Variants in UNC5B observed in about 807,000 individuals in gnomAD.
UNC5B encodes netrin receptor UNC5B.
UNC5B carries 56 observed loss-of-function variants against 103.7 expected under a neutral mutation model. That is an observed-to-expected ratio of 0.54 (90% confidence interval 0.44 to 0.67). UNC5B has a LOEUF of 0.67. Among genes scored for constraint, UNC5B ranks in the 30% least tolerant of loss-of-function variants. The probability of loss-of-function intolerance (pLI) is 0.00; values close to 1 mark genes in which losing one functional copy is unlikely to be tolerated. For synonymous variants in UNC5B, 577 were observed against 542.0 expected (o/e 1.06, Z -0.90); for missense variants, 1,194 against 1,284.5 (o/e 0.93, Z 1.08).
At chr10:71,297,256 T>TTGGCATA (rs1845465584) in intron 15 of UNC5B, among the ~76,000 whole-genome samples, 12 of 152,216 alleles carry the variant, frequency 7.9e-5, no homozygotes, top group Admixed American at 7.2e-4. Context: ...ACCAAAAAAC[T>TTGGCATA]TACATGATCT....
At chr10:71,274,594 T>TTCATAAAGAGGTCTCATGTAGAGACC in intron 1 of UNC5B, among the ~76,000 whole-genome samples, 1 of 152,022 alleles carries the variant, frequency 6.6e-6, no homozygotes, top group African/African-American at 2.4e-5. Flanking sequence ...CTATAGAGAC[T>TTCATAAAGAGGTCTCATGTAGAGACC]TCATAAAGAG....
chr10:71,219,450 AG>A (rs1321087812), intron 1 of UNC5B, among the ~76,000 whole-genome samples: 1 of 152,178 alleles, frequency 6.6e-6, no homozygotes, highest in African/African-American at 2.4e-5. Flanking sequence ...AGAAAGATGT[AG>A]GCTGGGAGGC....
Position 71,213,125 on chromosome 10 carries a change from T to C in UNC5B, c.79+61T>C, listed in dbSNP as rs111287864. ...GGGACCCTTGCGCCTCACTCTGTCC[T>C]GAAGTTGAGGTGGTCTTTCGTCGCA... On this transcript the variant is annotated intron_variant, in intron 1 of 16. Transcript: ENST00000335350. This position sits in a 1 kb window ranked among gnomAD's most constrained non-coding sequence, Gnocchi z 4.1. 2.5e-6 allele frequency: 3 copies of C among 1,200,924 alleles called. No individual in the cohort carries two copies. The highest frequency in any genetic ancestry group is 2.1e-6 in the Non-Finnish European group (2 of 951,206). 74.4% of individuals were successfully genotyped at this position (1,200,924 alleles called of 1,614,324 possible). A position where few individuals can be genotyped will look rare whatever the true frequency, so the allele number is the denominator to read the frequency against.
chr10:71,291,014 G>A lies in UNC5B; in HGVS notation c.1199G>A (p.Arg400His), dbSNP rs755645184. 34 of 1,613,940 alleles carry A rather than the reference G, an allele frequency of 2.1e-5. No individual in the cohort carries two copies. The highest frequency in any genetic ancestry group is 6.7e-5 in the Admixed American group (4 of 60,000). The change falls in exon 9 of 17, where the codon CGC (arginine) becomes CAC (histidine). Residue 400 changes from arginine (R) to histidine (H), a missense_variant. Transcript: ENST00000335350. The part of the protein sequence containing the change: ...ILMAVGVVVY[R>H]RNCRDFDTDI... The stretch of plus-strand genomic sequence containing the variant: ...ATGGCGGTGGGGGTGGTGGTGTACC[G>A]CCGCAACTGCCGTGACTTCGACACA...
intron 1 of UNC5B, among the ~76,000 whole-genome samples, chr10:71,229,110 C>G (rs147697273): frequency 6.6e-6 from 1 of 152,312 alleles, no homozygotes; most frequent in Non-Finnish European, 1.5e-5. Context: ...AATGCAGACT[C>G]CTCCACCAAC....
At chr10:71,269,350 C>CCCA (rs1554865170) in intron 1 of UNC5B, among the ~76,000 whole-genome samples, 3 of 145,140 alleles carry the variant, frequency 2.1e-5, no homozygotes, top group Non-Finnish European at 4.6e-5. Flanking sequence ...AAGTCCCCCC[C>CCCA]CCACAACTTC....
At chr10:71,219,700 G>A (rs1843413483) in intron 1 of UNC5B, among the ~76,000 whole-genome samples, 1 of 152,244 alleles carries the variant, frequency 6.6e-6, no homozygotes, top group South Asian at 2.1e-4. Flanking sequence ...CTCCTAAGCA[G>A]CCCTGGCCAC....
intron 1 of UNC5B, among the ~76,000 whole-genome samples, chr10:71,229,009 C>T (rs1295171684): frequency 6.6e-6 from 1 of 152,208 alleles, no homozygotes; most frequent in African/African-American, 2.4e-5. Flanking sequence ...CCCTGCGCAC[C>T]TCCCTCAATG....
chr10:71,263,781 T>C (rs1005414207), intron 1 of UNC5B, among the ~76,000 whole-genome samples: 5 of 152,010 alleles, frequency 3.3e-5, no homozygotes, highest in Non-Finnish European at 5.9e-5. Flanking sequence ...CCATCCCCTC[T>C]CCCAGGGGCT....
Position 71,295,821 on chromosome 10 carries a change from A to T in UNC5B, c.2186A>T (p.Glu729Val). 6.2e-7 allele frequency: 1 copy of T among 1,612,326 alleles called. No individual in the cohort carries two copies. The change falls in exon 14 of 17, where the codon GAG becomes GTG. Residue 729 changes from glutamate (E) to valine (V), a missense_variant. Coordinates refer to ENST00000335350, the MANE Select transcript of UNC5B (RefSeq NM_170744.5). ...GCCCCTGGCCCACAGGAGGTGCTGGAGCTGGAGCGGACTCTGGGCGGATAC... is the reference window on the plus strand; with the variant it reads ...GCCCCTGGCCCACAGGAGGTGCTGGTGCTGGAGCGGACTCTGGGCGGATAC... ...DTPVALKEVL[E>V]LERTLGGYLV...
intron 2 of UNC5B, among the ~76,000 whole-genome samples, chr10:71,281,807 C>T (rs967511018): frequency 1.1e-4 from 16 of 152,160 alleles, no homozygotes; most frequent in Admixed American, 1.3e-4. Flanking sequence ...AGCCAGGTGG[C>T]GTACACATAG....
intron 1 of UNC5B, among the ~76,000 whole-genome samples, chr10:71,235,642 G>C (rs915693964): frequency 1.3e-5 from 2 of 152,112 alleles, no homozygotes; most frequent in African/African-American, 4.8e-5. Flanking sequence ...GGGACTGGTA[G>C]GGGGGTCCTA....
intron 1 of UNC5B, among the ~76,000 whole-genome samples, chr10:71,254,048 G>A (rs1446174229): frequency 6.6e-6 from 1 of 152,210 alleles, no homozygotes; most frequent in Admixed American, 6.5e-5. Context: ...ATGCCTAGTA[G>A]AGAGGACAAA....
chr10:71,225,393 TC>T (rs1294668213), intron 1 of UNC5B, among the ~76,000 whole-genome samples: 1 of 152,226 alleles, frequency 6.6e-6, no homozygotes, highest in Non-Finnish European at 1.5e-5. Context: ...CCCTGGCACC[TC>T]CCATGCCTGG....
chr10:71,240,685 C>A (rs867685754), intron 1 of UNC5B, among the ~76,000 whole-genome samples: 4 of 152,262 alleles, frequency 2.6e-5, no homozygotes, highest in Non-Finnish European at 5.9e-5. Context: ...CCCACTGTCG[C>A]TCCACTACTC....
At chr10:71,272,242 T>A (rs1444195115) in intron 1 of UNC5B, among the ~76,000 whole-genome samples, 1 of 152,104 alleles carries the variant, frequency 6.6e-6, no homozygotes, top group Admixed American at 6.5e-5. Context: ...TTGCTGATGA[T>A]AAATGTGCCC....
At chr10:71,279,747 C>T (rs1193314527) in intron 1 of UNC5B, 74 bp from the exon 2 acceptor site, 23 of 1,498,898 alleles carry the variant, frequency 1.5e-5, no homozygotes, top group Non-Finnish European at 1.9e-5. Flanking sequence ...TGCGGTGGGC[C>T]CCCGGGGTGG....
At chr10:71,283,316 G>A (rs547441395) in intron 2 of UNC5B, among the ~76,000 whole-genome samples, 2 of 152,348 alleles carry the variant, frequency 1.3e-5, no homozygotes, top group South Asian at 4.1e-4. Context: ...GTATATTTGT[G>A]TCTGGCCCGG....
chr10:71,269,343 T>TCC (rs3059586), intron 1 of UNC5B, among the ~76,000 whole-genome samples: 14,685 of 129,868 alleles, frequency 0.11, 1,335 homozygotes, highest in African/African-American at 0.24. Flanking sequence ...AAAAATGAAG[T>TCC]CCCCCCCCCA....
Sources: gnomAD v4.1 joint callset for allele counts (sites outside exome capture counted in the v4.1 genomes callset) on GRCh38, gnomAD v4.1.1 for gene constraint, Gnocchi (gnomAD v3.1) non-coding constraint, MANE v1.5 for transcripts, NCBI Gene and HGNC (gene_info 2026-07-23, HGNC 2026-07-21) for gene names.